C12orf42: variants seen among roughly 807,000 people sequenced by gnomAD.
C12orf42 encodes the protein uncharacterized protein C12orf42.
A neutral mutation model predicts 21.6 loss-of-function variants in C12orf42; 25 were observed. The ratio of observed to expected loss-of-function variants is 1.16; its 90% CI spans 0.84 to 1.62. C12orf42 has a LOEUF of 1.62. Ranked by LOEUF, C12orf42 falls within the 40% of genes most tolerant of loss-of-function variation. The pLI is 0.00. For synonymous variants in C12orf42, 174 were observed against 175.0 expected, an observed-to-expected ratio of 0.99 and a Z score of 0.05; for missense variants, 483 against 459.3, an observed-to-expected ratio of 1.05 and a Z score of -0.47.
chr12:103,529,181 G>A, the C12orf42 span, among the ~76,000 whole-genome samples: 1 of 152,180 alleles, frequency 6.6e-6, no homozygotes, highest in Admixed American at 6.5e-5. Context: ...TCGGCATCTG[G>A]TGTCAAATCA....
intron 2 of C12orf42, among the ~76,000 whole-genome samples, chr12:103,469,576 A>C (rs145769530): frequency 8.1e-4 from 123 of 152,358 alleles, no homozygotes; most frequent in African/African-American, 2.9e-3. Context: ...ATTATTAGAC[A>C]ATATAGGTGA....
At chr12:103,313,332 T>C (rs2039149751) in intron 4 of C12orf42, among the ~76,000 whole-genome samples, 1 of 152,238 alleles carries the variant, frequency 6.6e-6, no homozygotes, top group Non-Finnish European at 1.5e-5. Context: ...GGCTGCCATC[T>C]CCTATTCAGC....
chr12:103,217,530 C>CAA, the C12orf42 span, among the ~76,000 whole-genome samples: 147 of 77,980 alleles, frequency 1.9e-3, no homozygotes, highest in African/African-American at 5.5e-3. Flanking sequence ...GACCCTGTCT[C>CAA]AAAAAAAAAA....
chr12:103,287,352 C>T lies in C12orf42; in HGVS notation n.338-10142G>A, dbSNP rs145181080. ...GGATTAAGAAAATGTGGCACATAGA[C>T]GCCATGGAATACTATGCAACCATAA... On this transcript the variant is annotated intron_variant and non_coding_transcript_variant, in intron 4 of 6. Transcript: ENST00000546526. Among the ~76,000 whole-genome samples the T allele has an allele frequency of 9.9e-4, 150 of 152,228 alleles. No homozygotes were observed. In the East Asian group the frequency reaches 0.012, roughly 12 times the overall value.
chr12:103,363,880 G>T (rs2044344341), intron 4 of C12orf42, among the ~76,000 whole-genome samples: 1 of 151,492 alleles, frequency 6.6e-6, no homozygotes, highest in African/African-American at 2.4e-5. Context: ...GAGATAGAAA[G>T]CAACAAAATA....
At chr12:103,247,202 TTTGAG>T (rs2034052154) in intron 10 of C12orf42, among the ~76,000 whole-genome samples, 1 of 152,014 alleles carries the variant, frequency 6.6e-6, no homozygotes, top group African/African-American at 2.4e-5. Flanking sequence ...ATCTTAATAT[TTTGAG>T]TTAATATTTA....
downstream of C12orf42, chr12:103,301,829 G>A (rs551183371): frequency 2.7e-5 from 9 of 338,964 alleles, no homozygotes; most frequent in Admixed American, 2.7e-4. Flanking sequence ...GAGGCACGTT[G>A]CAAAGTGGCA....
the C12orf42 span, among the ~76,000 whole-genome samples, chr12:103,511,882 G>C: frequency 6.6e-6 from 1 of 152,134 alleles, no homozygotes; most frequent in Non-Finnish European, 1.5e-5. Context: ...GTTAGGCATG[G>C]TAAGAAAAGG....
intron 2 of C12orf42, among the ~76,000 whole-genome samples, chr12:103,443,981 T>C (rs1190843399): frequency 6.6e-6 from 1 of 152,126 alleles, no homozygotes; most frequent in East Asian, 1.9e-4. Context: ...CCTGTATTTA[T>C]CATCAATGTC....
At chr12:103,402,720 T>C (rs932530670) in intron 2 of C12orf42, among the ~76,000 whole-genome samples, 1 of 152,096 alleles carries the variant, frequency 6.6e-6, no homozygotes, top group African/African-American at 2.4e-5. Flanking sequence ...TTATGTAGAC[T>C]TGGGTGATGG....
chr12:103,549,331 T>C, the C12orf42 span, among the ~76,000 whole-genome samples: 1 of 152,212 alleles, frequency 6.6e-6, no homozygotes, highest in Non-Finnish European at 1.5e-5. Flanking sequence ...GGAGGTCCCA[T>C]GCGTGTCTCA....
intron 4 of C12orf42, among the ~76,000 whole-genome samples, chr12:103,353,682 A>AC (rs2043287673): frequency 6.6e-6 from 1 of 151,992 alleles, no homozygotes; most frequent in African/African-American, 2.4e-5. Flanking sequence ...GCTAAAAACT[A>AC]CCCCCCAAAT....
At chr12:103,483,656 C>A (rs1019065502) in intron 1 of C12orf42, among the ~76,000 whole-genome samples, 1 of 151,392 alleles carries the variant, frequency 6.6e-6, no homozygotes. Context: ...TTTTATTTTT[C>A]TTTTTTTTCT....
At chr12:103,379,464 AACTTGGG>A (rs1240033898) in intron 3 of C12orf42, among the ~76,000 whole-genome samples, 1 of 151,640 alleles carries the variant, frequency 6.6e-6, no homozygotes, top group African/African-American at 2.4e-5. Flanking sequence ...AAAAAATACT[AACTTGGG>A]AGGAAATGTA....
At chr12:103,451,764 T>C (rs189392685) in intron 2 of C12orf42, among the ~76,000 whole-genome samples, 1 of 152,182 alleles carries the variant, frequency 6.6e-6, no homozygotes, top group Admixed American at 6.5e-5. Context: ...CTTTATTACA[T>C]AGCATATGTG....
intron 10 of C12orf42, among the ~76,000 whole-genome samples, chr12:103,260,585 A>G (rs914547553): frequency 6.6e-6 from 1 of 152,220 alleles, no homozygotes; most frequent in East Asian, 1.9e-4. Context: ...TGACCTAGCA[A>G]ATTAAAAATT....
chr12:103,305,015 C>T (rs1455403443), intron 5 of C12orf42, among the ~76,000 whole-genome samples: 3 of 152,102 alleles, frequency 2.0e-5, no homozygotes, highest in African/African-American at 7.2e-5. Context: ...AATCTTTTGG[C>T]TTCCCTGGGC....
At chr12:103,245,270 A>G (rs1018893703) in intron 10 of C12orf42, among the ~76,000 whole-genome samples, 3 of 152,116 alleles carry the variant, frequency 2.0e-5, no homozygotes, top group African/African-American at 7.2e-5. Context: ...TATTTTCTGT[A>G]TAACCGTGGG....
intron 1 of C12orf42, among the ~76,000 whole-genome samples, chr12:103,485,374 G>T (rs1464578629): frequency 6.6e-6 from 1 of 152,192 alleles, no homozygotes; most frequent in Non-Finnish European, 1.5e-5. Context: ...GGTTACTGTA[G>T]CCTTGTAGTT....
Sources: gnomAD v4.1 joint callset for allele counts (sites outside exome capture counted in the v4.1 genomes callset) on GRCh38, gnomAD v4.1.1 for gene constraint, MANE v1.5 for transcripts, NCBI Gene and HGNC (gene_info 2026-07-23, HGNC 2026-07-21) for gene names.